Variants in CHIC1 observed in about 807,000 individuals in gnomAD.
CHIC1 encodes cysteine-rich hydrophobic domain-containing protein 1.
A neutral mutation model predicts 18.5 loss-of-function variants in CHIC1; 7 were observed. The observed-to-expected ratio is 0.38, with a 90% confidence interval of 0.22 to 0.71. The LOEUF is 0.71. CHIC1 is among the 30% of genes least tolerant of loss of function. The pLI is 0.49. For missense variants in CHIC1, 159 were observed against 176.9 expected, an observed-to-expected ratio of 0.90 and a Z score of 0.57; for synonymous variants, 77 against 73.5, an observed-to-expected ratio of 1.05 and a Z score of -0.25.
intron 3 of CHIC1, among the ~76,000 whole-genome samples, chrX:73,658,249 T>TTTTTG: frequency 5.7e-5 from 1 of 17,515 alleles, no homozygotes. Flanking sequence ...TGGTCCTAGG[T>TTTTTG]TTTTTTTTTT....
intron 3 of CHIC1, among the ~76,000 whole-genome samples, chrX:73,630,103 T>A (rs957192108): frequency 4.5e-5 from 5 of 112,244 alleles, no homozygotes; most frequent in African/African-American, 1.3e-4. Context: ...ATGTTGTTTT[T>A]GTATTCAAAC....
At chrX:73,649,631 A>C (rs1157090074) in intron 3 of CHIC1, among the ~76,000 whole-genome samples, 2 of 112,287 alleles carry the variant, frequency 1.8e-5, no homozygotes, top group Admixed American at 1.9e-4. Context: ...ATGCAACAAG[A>C]AGAGCTAACT....
At chrX:73,594,146 G>C (rs1464929809) in intron 3 of CHIC1, among the ~76,000 whole-genome samples, 5 of 85,945 alleles carry the variant, frequency 5.8e-5, no homozygotes, top group Non-Finnish European at 1.1e-4. Context: ...GCTTTCCTTT[G>C]TTTTGTTTTG....
At chrX:73,676,802 G>A (rs1236765262) in intron 3 of CHIC1, among the ~76,000 whole-genome samples, 1 of 109,229 alleles carries the variant, frequency 9.2e-6, no homozygotes, top group Non-Finnish European at 1.9e-5. Flanking sequence ...GAGAAGGAGA[G>A]GTGCTCTGAT....
At chrX:73,677,966 A>C (rs995104582) in intron 3 of CHIC1, among the ~76,000 whole-genome samples, 3 of 109,146 alleles carry the variant, frequency 2.7e-5, no homozygotes, top group African/African-American at 1.0e-4. Flanking sequence ...TGTTGCTGGA[A>C]AATTATTGTG....
chrX:73,603,138 T>G (rs2057660379), intron 3 of CHIC1, among the ~76,000 whole-genome samples: 1 of 108,698 alleles, frequency 9.2e-6, no homozygotes, highest in South Asian at 3.8e-4. Flanking sequence ...ATTCTTCCTA[T>G]TTATGAGCAT....
Position 73,563,598 on chromosome X carries a change from T to G in CHIC1, c.296+18T>G. The G allele has an allele frequency of 1.9e-6, 2 of 1,050,379 alleles. No homozygotes were observed. Among genetic ancestry groups the G allele is most frequent in the East Asian group, 3.5e-5 (1 of 28,583 alleles). The allele number at this position is 1,050,379 out of a possible 1,213,427, so 86.6% of individuals were successfully genotyped here. ...ATCACTGTGTAAGCGAGAGGGGGTC[T>G]TGGGACTTGAAATGCCTGAGATTTG... On this transcript the variant is annotated intron_variant, in intron 1 of 5. Coordinates refer to ENST00000373502, the MANE Select transcript of CHIC1 (RefSeq NM_001039840.4).
intron 3 of CHIC1, among the ~76,000 whole-genome samples, chrX:73,651,732 TAA>T (rs372243158): frequency 9.0e-6 from 1 of 110,929 alleles, no homozygotes; most frequent in African/African-American, 3.3e-5. Flanking sequence ...CTCAAGGAAA[TAA>T]GAGAGGACAC....
At chrX:73,631,472 C>CA (rs898764200) in intron 3 of CHIC1, among the ~76,000 whole-genome samples, 134 of 101,508 alleles carry the variant, frequency 1.3e-3, no homozygotes, top group South Asian at 4.4e-3. Context: ...ACTAAAAATA[C>CA]AAAAAAAAAA....
chrX:73,576,187 A>G (rs2057498109), intron 1 of CHIC1, among the ~76,000 whole-genome samples: 2 of 110,007 alleles, frequency 1.8e-5, no homozygotes. Context: ...GCTATTTTAC[A>G]GTTAACTTTT....
At chrX:73,613,803 T>A (rs771149310) in intron 3 of CHIC1, among the ~76,000 whole-genome samples, 1 of 110,718 alleles carries the variant, frequency 9.0e-6, no homozygotes, top group African/African-American at 3.3e-5. Context: ...TCCCTCCCTC[T>A]CTCCCTCCCT....
chrX:73,613,467 T>A (rs763840780), intron 3 of CHIC1, among the ~76,000 whole-genome samples: 4 of 111,191 alleles, frequency 3.6e-5, no homozygotes, highest in South Asian at 3.9e-4. Flanking sequence ...TATCATATGA[T>A]TTGTGCACAT....
At chrX:73,602,189 AAG>A (rs777544496) in intron 3 of CHIC1, among the ~76,000 whole-genome samples, 1 of 109,171 alleles carries the variant, frequency 9.2e-6, no homozygotes, top group South Asian at 3.8e-4. Context: ...TCAATAGAAA[AAG>A]AGGGAATCCT....
intron 3 of CHIC1, among the ~76,000 whole-genome samples, chrX:73,631,866 C>A (rs1054709386): frequency 9.0e-6 from 1 of 111,428 alleles, no homozygotes; most frequent in Non-Finnish European, 1.9e-5. Context: ...CCTGTTATTT[C>A]TAGTTCTGTA....
rs368773097 is a variant in CHIC1, at chrX:73,650,662, A to G, written c.508-28664A>G. On this transcript the variant is annotated intron_variant, in intron 3 of 5. Coordinates refer to ENST00000373502, the MANE Select transcript of CHIC1 (RefSeq NM_001039840.4). ...TCGAATTCTTGAATAGACCAATAAC[A>G]AGTTCTGAAATTGAGGCAGTAATTA... 1.9e-4 allele frequency among the ~76,000 whole-genome samples: 20 copies of G among 103,475 alleles called. 1 individual carries two copies. The East Asian group carries it at 3.7e-3, about 19-fold the overall frequency. 89.9% of individuals were successfully genotyped at this position (103,475 alleles called of 115,157 possible). A position where few individuals can be genotyped will look rare whatever the true frequency, so the allele number is the denominator to read the frequency against.
chrX:73,627,306 G>A (rs965431241), intron 3 of CHIC1, among the ~76,000 whole-genome samples: 2 of 112,213 alleles, frequency 1.8e-5, no homozygotes, highest in African/African-American at 3.2e-5. Context: ...GTAACCACTC[G>A]CTGACTACTA....
At chrX:73,567,145 A>G (rs1160390414) in intron 1 of CHIC1, among the ~76,000 whole-genome samples, 1 of 108,835 alleles carries the variant, frequency 9.2e-6, no homozygotes, top group African/African-American at 3.4e-5. Context: ...TCAGCCCACT[A>G]CTCTTCTTAT....
At chrX:73,574,830 A>T (rs892551783) in intron 1 of CHIC1, among the ~76,000 whole-genome samples, 2 of 110,231 alleles carry the variant, frequency 1.8e-5, no homozygotes, top group African/African-American at 6.6e-5. Flanking sequence ...TTGTTATTCT[A>T]GCTAGCAGTC....
chrX:73,622,223 G>A (rs2057763757), intron 3 of CHIC1, among the ~76,000 whole-genome samples: 1 of 111,936 alleles, frequency 8.9e-6, no homozygotes, highest in Admixed American at 9.5e-5. Context: ...AATGAGTTAG[G>A]GAGGAGTCCC....
Sources: allele counts gnomAD v4.1 joint callset (sites outside exome capture counted in the v4.1 genomes callset), GRCh38; gene constraint gnomAD v4.1.1; transcripts MANE v1.5; gene names NCBI Gene and HGNC (gene_info 2026-07-23, HGNC 2026-07-21).